The following ADORA2B variants were observed in gnomAD, a reference collection of about 807,000 sequenced individuals.
ADORA2B encodes adenosine A2b receptor.
A neutral mutation model predicts 20.8 loss-of-function variants in ADORA2B; 18 were observed. The ratio of observed to expected loss-of-function variants is 0.87; its 90% CI spans 0.60 to 1.29. The LOEUF (loss-of-function observed/expected upper bound fraction) is 1.29, where lower values mean the gene tolerates loss of function less well. ADORA2B is among the 50% of genes most tolerant of loss of function. The pLI, the probability that ADORA2B is intolerant of heterozygous loss-of-function variation, is 0.00. For missense variants in ADORA2B, 441 were observed against 422.7 expected (o/e 1.04, Z -0.38); for synonymous variants, 179 against 178.3 (o/e 1.00, Z -0.03).
chr17:15,875,790 A>G, the ADORA2B span, among the ~76,000 whole-genome samples: 21 of 152,220 alleles, frequency 1.4e-4, no homozygotes, highest in Non-Finnish European at 2.9e-4. Context: ...CATGTTGGCC[A>G]GGATGGTCTC....
chr17:15,907,653 A>G, the ADORA2B span, among the ~76,000 whole-genome samples: 2 of 152,216 alleles, frequency 1.3e-5, no homozygotes, highest in Admixed American at 6.5e-5. Flanking sequence ...TTAGCAAAAA[A>G]TCACCAAACT....
the ADORA2B span, among the ~76,000 whole-genome samples, chr17:15,912,384 T>TAA: frequency 4.7e-4 from 70 of 148,460 alleles, no homozygotes; most frequent in African/African-American, 1.4e-3. Context: ...TGTATCAAAT[T>TAA]AAAAAAAAAA....
chr17:15,901,112 C>T, the ADORA2B span, among the ~76,000 whole-genome samples: 3 of 152,010 alleles, frequency 2.0e-5, no homozygotes, highest in Non-Finnish European at 4.4e-5. Flanking sequence ...CACCACAAAG[C>T]GATTCCTGAG....
the ADORA2B span, among the ~76,000 whole-genome samples, chr17:15,852,904 C>T: frequency 6.6e-6 from 1 of 151,372 alleles, no homozygotes; most frequent in Non-Finnish European, 1.5e-5. Flanking sequence ...AATTGGAGTC[C>T]CCAAAAGGGA....
At chr17:15,871,077 G>A in the ADORA2B span, among the ~76,000 whole-genome samples, 1 of 152,192 alleles carries the variant, frequency 6.6e-6, no homozygotes, top group East Asian at 1.9e-4. Flanking sequence ...TCTCCTGATG[G>A]CCATGTTTCT....
the ADORA2B span, among the ~76,000 whole-genome samples, chr17:15,924,438 CTT>C: frequency 6.6e-6 from 1 of 152,146 alleles, no homozygotes; most frequent in African/African-American, 2.4e-5. Context: ...TATATTATAA[CTT>C]TTCCCATAGT....
At chr17:15,949,643 A>T (rs1431887301) in intron 1 of ADORA2B, among the ~76,000 whole-genome samples, 1 of 151,750 alleles carries the variant, frequency 6.6e-6, no homozygotes, top group East Asian at 1.9e-4. Context: ...AGGCCGAGGC[A>T]GGTGGATCAC....
chr17:15,917,683 C>G, the ADORA2B span, among the ~76,000 whole-genome samples: 1 of 152,242 alleles, frequency 6.6e-6, no homozygotes, highest in Non-Finnish European at 1.5e-5. Context: ...CGGCTCCGCG[C>G]CGGTGACGGG....
chr17:15,880,932 T>C, the ADORA2B span, among the ~76,000 whole-genome samples: 1 of 152,180 alleles, frequency 6.6e-6, no homozygotes, highest in Non-Finnish European at 1.5e-5. Flanking sequence ...CTTAAAGTAC[T>C]TTTTAAACAT....
chr17:15,973,060 A>T (rs114898322), intron 1 of ADORA2B, among the ~76,000 whole-genome samples: 1,638 of 152,328 alleles, frequency 0.011, 36 homozygotes, highest in African/African-American at 0.038. Flanking sequence ...CTCTGCTGCT[A>T]GTATTTCTCA....
chr17:15,972,026 G>A (rs1597432012), intron 1 of ADORA2B, among the ~76,000 whole-genome samples: 1 of 152,170 alleles, frequency 6.6e-6, no homozygotes, highest in East Asian at 1.9e-4. Flanking sequence ...GTCCTTAAGA[G>A]GCTGACATTC....
the ADORA2B span, among the ~76,000 whole-genome samples, chr17:15,923,024 C>CT: frequency 6.6e-6 from 1 of 151,162 alleles, no homozygotes; most frequent in Non-Finnish European, 1.5e-5. Flanking sequence ...TTTTTCTTTT[C>CT]TTTTTTTCTT....
the ADORA2B span, among the ~76,000 whole-genome samples, chr17:15,922,490 AAACC>A: frequency 3.3e-5 from 5 of 152,146 alleles, no homozygotes; most frequent in Non-Finnish European, 5.9e-5. Flanking sequence ...GGTAGCCATA[AAACC>A]AACCATCCAG....
At chr17:15,903,961 T>C in the ADORA2B span, among the ~76,000 whole-genome samples, 1 of 152,154 alleles carries the variant, frequency 6.6e-6, no homozygotes, top group African/African-American at 2.4e-5. Flanking sequence ...TTCAGAACTT[T>C]TATTCATTTT....
chr17:15,974,473 A>G (rs928248346), intron 1 of ADORA2B: 2 of 529,070 alleles, frequency 3.8e-6, no homozygotes. Context: ...TGCTAAGTCA[A>G]GAATGAAGAT....
At chr17:15,904,803 A>G in the ADORA2B span, among the ~76,000 whole-genome samples, 4 of 152,130 alleles carry the variant, frequency 2.6e-5, no homozygotes, top group African/African-American at 9.7e-5. Context: ...TTTCAACACC[A>G]TTTGTTAGAG....
the ADORA2B span, among the ~76,000 whole-genome samples, chr17:15,892,109 C>T: frequency 6.6e-6 from 1 of 150,642 alleles, no homozygotes; most frequent in Non-Finnish European, 1.5e-5. Flanking sequence ...GATCCGTCCA[C>T]CCCTGCTTCC....
the ADORA2B span, among the ~76,000 whole-genome samples, chr17:15,857,430 A>G: frequency 9.2e-5 from 14 of 152,170 alleles, no homozygotes; most frequent in Non-Finnish European, 1.6e-4. Context: ...GAGGGACACC[A>G]TCCTCCAGAC....
At chr17:15,884,745 T>A in the ADORA2B span, among the ~76,000 whole-genome samples, 1 of 152,238 alleles carries the variant, frequency 6.6e-6, no homozygotes, top group Admixed American at 6.5e-5. Context: ...GCAAAGGATG[T>A]GATCTCGTTC....
Sources: gnomAD v4.1 joint callset for allele counts (sites outside exome capture counted in the v4.1 genomes callset) on GRCh38, gnomAD v4.1.1 for gene constraint, MANE v1.5 for transcripts, NCBI Gene and HGNC (gene_info 2026-07-23, HGNC 2026-07-21) for gene names.